The following VPS13B variants were observed in gnomAD, a reference collection of about 807,000 sequenced individuals.
The protein encoded by VPS13B is vacuolar protein sorting 13 homolog B, also known as intermembrane lipid transfer protein VPS13B.
In VPS13B, 285 loss-of-function variants were observed where a neutral mutation model predicts 426.4. The ratio of observed to expected loss-of-function variants is 0.67; its 90% CI spans 0.61 to 0.74. The LOEUF (loss-of-function observed/expected upper bound fraction) is 0.74, where lower values mean the gene tolerates loss of function less well. Ranked by LOEUF, VPS13B falls within the 30% of genes least tolerant of loss-of-function variation. VPS13B has a pLI of 0.00. For synonymous variants in VPS13B, 1,676 were observed against 1,676.4 expected (o/e 1.00, Z 0.01); for missense variants, 4,537 against 4,782.6 (o/e 0.95, Z 1.51).
intron 42 of VPS13B, 102 bp downstream of exon 42, chr8:99,779,133 G>T: frequency 8.7e-7 from 1 of 1,154,562 alleles, no homozygotes; most frequent in East Asian, 2.5e-5. Flanking sequence ...AAACAAAAAT[G>T]TTAGAGAATG....
chr8:99,801,018 A>G (rs1813094283), intron 43 of VPS13B, among the ~76,000 whole-genome samples: 1 of 152,196 alleles, frequency 6.6e-6, no homozygotes. Context: ...TAGATATAAC[A>G]TATGAGTAGC....
At chr8:99,862,121 C>T (rs981298921) in intron 58 of VPS13B, among the ~76,000 whole-genome samples, 175 bp downstream of exon 58, 4 of 152,252 alleles carry the variant, frequency 2.6e-5, no homozygotes, top group African/African-American at 7.2e-5. Context: ...CCTGCACAGC[C>T]GCACATGCAG....
intron 19 of VPS13B, among the ~76,000 whole-genome samples, chr8:99,315,564 A>T (rs1809596278): frequency 6.7e-6 from 1 of 149,362 alleles, no homozygotes; most frequent in Non-Finnish European, 1.5e-5. Context: ...TGCATCATTT[A>T]TGTGTGTTCT....
At chr8:99,686,906 A>G (rs1259775870) in intron 35 of VPS13B, among the ~76,000 whole-genome samples, 3 of 151,558 alleles carry the variant, frequency 2.0e-5, no homozygotes, top group African/African-American at 4.9e-5. Context: ...TCACTTTTCT[A>G]TCTCCTTTTC....
chr8:99,170,501 A>G (rs1245929291), intron 16 of VPS13B, among the ~76,000 whole-genome samples: 3 of 151,948 alleles, frequency 2.0e-5, no homozygotes, highest in Admixed American at 6.6e-5. Context: ...AAAGTTATAA[A>G]TTAATATTCA....
intron 19 of VPS13B, among the ~76,000 whole-genome samples, chr8:99,354,416 G>T (rs1048418735): frequency 6.6e-6 from 1 of 150,408 alleles, no homozygotes; most frequent in African/African-American, 2.4e-5. Context: ...CCTGAGAGTG[G>T]TTTTAATTTT....
intron 21 of VPS13B, among the ~76,000 whole-genome samples, chr8:99,406,113 A>G (rs993721737): frequency 6.6e-6 from 1 of 152,018 alleles, no homozygotes; most frequent in Non-Finnish European, 1.5e-5. Flanking sequence ...CTTAGTTTAG[A>G]TGATCAATAA....
intron 19 of VPS13B, among the ~76,000 whole-genome samples, chr8:99,297,087 G>A (rs1820082021): frequency 6.6e-6 from 1 of 152,034 alleles, no homozygotes; most frequent in South Asian, 2.1e-4. Flanking sequence ...AACAAATTCA[G>A]AAAATTTGAG....
intron 51 of VPS13B, 104 bp downstream of exon 51, chr8:99,824,082 G>A (rs1814529963): frequency 7.4e-7 from 1 of 1,360,214 alleles, no homozygotes; most frequent in Non-Finnish European, 1.0e-6. Context: ...AACCCTGAAT[G>A]TAGGTAAAGA....
rs543058515 is a variant in VPS13B at position 99,697,839 on chromosome 8, C to G, written c.6047-1686C>G. ...AGCAAGCTCACCAGCCTGGCCTCAG[C>G]ACTGGATGAAGACAAGAATGGCAAG... is the stretch of plus-strand genomic sequence containing the variant. On this transcript the variant is annotated intron_variant, in intron 35 of 61. Transcript: ENST00000357162. The G allele has an allele frequency of 3.5e-5, 20 of 578,052 alleles. No homozygotes were observed. The East Asian group carries it at 7.9e-4, about 23-fold the overall frequency. 35.8% of individuals were successfully genotyped at this position (578,052 alleles called of 1,614,324 possible).
At chr8:99,801,770 T>G (rs548955478) in intron 43 of VPS13B, among the ~76,000 whole-genome samples, 1 of 152,332 alleles carries the variant, frequency 6.6e-6, no homozygotes, top group South Asian at 2.1e-4. Context: ...CCAAGTGTAC[T>G]GTCTAGTTCT....
rs1319735369 is a variant in VPS13B at position 99,870,535 on chromosome 8, C to T, written c.11393-250C>T. 2.0e-5 allele frequency among the ~76,000 whole-genome samples: 3 copies of T among 152,122 alleles called. No homozygotes were observed. The East Asian group carries it at 5.8e-4, about 29-fold the overall frequency. ...TGACCAGCTACTTTCGGTGTTTTTGCTTCCTCTAATTGCTAGTCTATGCTT... is the reference window on the plus strand; with the variant it reads ...TGACCAGCTACTTTCGGTGTTTTTGTTTCCTCTAATTGCTAGTCTATGCTT... On this transcript the variant is annotated intron_variant, in intron 59 of 61. Transcript: ENST00000357162.
rs139149031 is a variant in VPS13B at position 99,382,384 on chromosome 8, G to T, written c.2825-1824G>T. Among the ~76,000 whole-genome samples, 928 of 152,228 alleles carry T rather than the reference G, an allele frequency of 6.1e-3. 13 individuals carry two copies. The highest frequency in any genetic ancestry group is 0.021 in the African/African-American group (883 of 41,528). ...GAAGAGTGTCATTGGTAGTTTGATA[G>T]GAACAGCATTGAATCTGTAAATTGC... On this transcript the variant is annotated intron_variant, in intron 19 of 61. Coordinates refer to ENST00000357162, the MANE Select transcript of VPS13B (RefSeq NM_152564.5).
chr8:99,426,779 ATTTG>A (rs1432662230), intron 21 of VPS13B, among the ~76,000 whole-genome samples: 1 of 99,776 alleles, frequency 1.0e-5, no homozygotes, highest in Non-Finnish European at 1.9e-5. Flanking sequence ...TTTCTTGTAA[ATTTG>A]TTTGAGTTCA....
intron 19 of VPS13B, among the ~76,000 whole-genome samples, chr8:99,315,798 G>A (rs1179287455): frequency 2.0e-5 from 3 of 151,988 alleles, no homozygotes; most frequent in Admixed American, 1.3e-4. Flanking sequence ...CACCGCGCCC[G>A]GTTAATTTTT....
Position 99,057,187 on chromosome 8 carries a change from A to AT in VPS13B, c.291+18632dup, listed in dbSNP as rs553962391. ...GACAATAATATCACCCACAAAAAGT[A>AT]TTTTTTTTTTTGTTTCCAGTCTGTA... is the stretch of plus-strand genomic sequence containing the variant. On this transcript the variant is annotated intron_variant, in intron 3 of 61. Transcript: ENST00000357162. Among the ~76,000 whole-genome samples the AT allele has an allele frequency of 1.7e-3, 243 of 145,484 alleles. 1 individual carries two copies. The highest frequency in any genetic ancestry group is 4.4e-3 in the African/African-American group (174 of 39,798).
In VPS13B at chr8:99,641,860, C is replaced by T. The variant is rs1055918734; in HGVS notation, c.5270C>T (p.Ala1757Val). ...GTGGATATATTTGATGGAGGCATGG[C>T]TGAAACCTCATCTCGCTACAGTGGT... ...KKVDIFDGGM[A>V]ETSSRYSGAQ... The change falls in exon 34 of 62, where the codon GCT (alanine) becomes GTT (valine). Residue 1757 changes from alanine (A) to valine (V), a missense_variant. By Grantham distance (64) the Ala-to-Val change is moderately conservative. This residue lies in a region of VPS13B where 4,311 missense variants were observed against 4,474.3 expected (regional missense o/e 0.96). Coordinates refer to ENST00000357162, the MANE Select transcript of VPS13B (RefSeq NM_152564.5). 4 of 1,613,784 alleles carry T rather than the reference C, an allele frequency of 2.5e-6. No individual in the cohort carries two copies.
At chr8:99,513,822 C>T (rs571171608) in intron 29 of VPS13B, among the ~76,000 whole-genome samples, 2 of 152,200 alleles carry the variant, frequency 1.3e-5, no homozygotes, top group South Asian at 4.2e-4. Flanking sequence ...TTTTCTGCAT[C>T]TTTGGCAGCC....
chr8:99,044,060 ATTTCT>A (rs1167577003), intron 3 of VPS13B, among the ~76,000 whole-genome samples: 2 of 106,454 alleles, frequency 1.9e-5, no homozygotes, highest in Non-Finnish European at 4.1e-5. Context: ...TAACCACATC[ATTTCT>A]TTTTTTTTTT....
Sources: gnomAD v4.1 joint callset for allele counts (sites outside exome capture counted in the v4.1 genomes callset) on GRCh38, gnomAD v4.1.1 for gene constraint, gnomAD v4.1.1 regional missense constraint, MANE v1.5 for transcripts, NCBI Gene and HGNC (gene_info 2026-07-23, HGNC 2026-07-21) for gene names.